Variants in ZYG11B observed in about 807,000 individuals in gnomAD.
The protein encoded by ZYG11B is protein zyg-11 homolog B.
A neutral mutation model predicts 82.4 loss-of-function variants in ZYG11B; 36 were observed. The observed-to-expected ratio is 0.44, with a 90% CI of 0.33 to 0.58. The LOEUF is 0.58. ZYG11B is among the 20% of genes least tolerant of loss of function. The pLI, the probability that ZYG11B is intolerant of heterozygous loss-of-function variation, is 0.02. For missense variants in ZYG11B, 552 were observed against 895.6 expected, an observed-to-expected ratio of 0.62 and a Z score of 4.90; for synonymous variants, 303 against 312.8, an observed-to-expected ratio of 0.97 and a Z score of 0.33.
At chr1:52,788,936 GA>G (rs1216840507) in intron 5 of ZYG11B, among the ~76,000 whole-genome samples, 3 of 152,140 alleles carry the variant, frequency 2.0e-5, no homozygotes, top group Non-Finnish European at 4.4e-5. Context: ...TTTGGGAGGA[GA>G]AAAATGGTGA....
chr1:52,825,204 T>C lies in ZYG11B; in HGVS notation c.*3575T>C, dbSNP rs1456816070. 2 of 152,216 alleles carry C rather than the reference T, an allele frequency of 1.3e-5. No individual in the cohort carries two copies. The highest frequency in any genetic ancestry group is 2.9e-5 in the Non-Finnish European group (2 of 68,034). 9.4% of individuals were successfully genotyped at this position (152,216 alleles called of 1,614,324 possible). ...GCATCAAGTAATTATTGCTGTGGTC[T>C]TTCTACTCCACAAAATAATTTTTTC... is the stretch of plus-strand genomic sequence containing the variant. On this transcript the variant is annotated 3_prime_UTR_variant, in exon 14 of 14. Transcript: ENST00000294353.
At chr1:52,777,884 G>GT (rs1364006543) in intron 3 of ZYG11B, among the ~76,000 whole-genome samples, 3 of 152,112 alleles carry the variant, frequency 2.0e-5, no homozygotes, top group South Asian at 2.1e-4. Context: ...TCTGAATGAC[G>GT]TTTTTTGGCA....
Position 52,813,517 on chromosome 1 carries a change from T to A in ZYG11B, c.1696-19T>A, listed in dbSNP as rs750503884. 6.4e-7 allele frequency: 1 copy of A among 1,565,460 alleles called. No individual in the cohort carries two copies. The highest frequency in any genetic ancestry group is 1.2e-5 in the South Asian group (1 of 85,404). Reference sequence around the variant, plus strand: ...TATACATATTACATTAATTTTTATATTTTCTTTTTTTTTTCCAGAACAATA... The same window carrying A: ...TATACATATTACATTAATTTTTATAATTTCTTTTTTTTTTCCAGAACAATA... On this transcript the variant is annotated intron_variant, in intron 10 of 13. Transcript: ENST00000294353.
intron 6 of ZYG11B, among the ~76,000 whole-genome samples, chr1:52,793,863 C>CG (rs1644979574): frequency 7.3e-6 from 1 of 136,952 alleles, no homozygotes; most frequent in African/African-American, 2.8e-5. Flanking sequence ...TCTTCCTTTT[C>CG]TTTCTTTCCT....
chr1:52,748,646 T>G (rs1270072838), intron 1 of ZYG11B, among the ~76,000 whole-genome samples: 1 of 152,186 alleles, frequency 6.6e-6, no homozygotes, highest in Non-Finnish European at 1.5e-5. Flanking sequence ...GCAGATCACC[T>G]GAGTTCAGGA....
chr1:52,770,893 A>G, intron 2 of ZYG11B, 127 bp from the exon 3 acceptor site: 2 of 1,080,118 alleles, frequency 1.9e-6, no homozygotes, highest in East Asian at 2.4e-5. Flanking sequence ...AATCTCACCT[A>G]AATGAATTGT....
chr1:52,777,695 A>G (rs1480862313), intron 3 of ZYG11B, among the ~76,000 whole-genome samples: 6 of 151,876 alleles, frequency 4.0e-5, no homozygotes, highest in Non-Finnish European at 7.4e-5. Context: ...TCCTGCTTCT[A>G]CCTCCCAAAG....
intron 3 of ZYG11B, among the ~76,000 whole-genome samples, chr1:52,775,703 AC>A (rs757671864): frequency 1.8e-4 from 27 of 148,708 alleles, no homozygotes; most frequent in Non-Finnish European, 3.7e-4. Flanking sequence ...AAACAAAAAA[AC>A]AACAACAAAA....
intron 1 of ZYG11B, among the ~76,000 whole-genome samples, chr1:52,746,334 A>G (rs1396498930): frequency 6.6e-6 from 1 of 152,140 alleles, no homozygotes; most frequent in African/African-American, 2.4e-5. Flanking sequence ...CCTGCAAACA[A>G]AAAGTCATTT....
intron 8 of ZYG11B, 53 bp from the exon 9 acceptor site, chr1:52,801,766 A>C (rs959735605): frequency 2.1e-6 from 3 of 1,446,562 alleles, no homozygotes; most frequent in Non-Finnish European, 2.8e-6. Flanking sequence ...ATCACCACAA[A>C]TTGTAATAAC....
intron 2 of ZYG11B, among the ~76,000 whole-genome samples, chr1:52,766,650 A>T (rs898908965): frequency 6.6e-6 from 1 of 152,002 alleles, no homozygotes; most frequent in Admixed American, 6.6e-5. Context: ...CACTGACGTC[A>T]CTCCAGCAGT....
chr1:52,785,744 G>A (rs893828794), intron 5 of ZYG11B, among the ~76,000 whole-genome samples: 3 of 151,998 alleles, frequency 2.0e-5, no homozygotes, highest in African/African-American at 4.8e-5. Context: ...CACCTCACCC[G>A]GCCCTTAACT....
chr1:52,793,896 C>CTTCA (rs1553261692), intron 6 of ZYG11B, among the ~76,000 whole-genome samples: 116 of 148,974 alleles, frequency 7.8e-4, no homozygotes, highest in African/African-American at 2.8e-3. Context: ...TCCTTCCTTC[C>CTTCA]TTCCTTTCTT....
At chr1:52,741,202 G>A (rs957121791) in intron 1 of ZYG11B, among the ~76,000 whole-genome samples, 3 of 148,754 alleles carry the variant, frequency 2.0e-5, no homozygotes. Flanking sequence ...AGAGGCTAAG[G>A]CAGGAGTATT....
At chr1:52,754,696 T>C (rs1293658699) in intron 1 of ZYG11B, among the ~76,000 whole-genome samples, 1 of 152,200 alleles carries the variant, frequency 6.6e-6, no homozygotes, top group Non-Finnish European at 1.5e-5. Context: ...TTCTTTATGG[T>C]GATCTTTGAA....
chr1:52,782,355 G>C (rs779406374), intron 4 of ZYG11B, among the ~76,000 whole-genome samples: 1 of 151,882 alleles, frequency 6.6e-6, no homozygotes, highest in African/African-American at 2.4e-5. Flanking sequence ...GCCTCCCAAA[G>C]TGTTGGGATT....
chr1:52,733,626 A>C (rs1030961048), intron 1 of ZYG11B, among the ~76,000 whole-genome samples: 66 of 152,126 alleles, frequency 4.3e-4, no homozygotes, highest in Non-Finnish European at 7.9e-4. Flanking sequence ...ACACCACTGC[A>C]CTCCAGGCTG....
intron 8 of ZYG11B, among the ~76,000 whole-genome samples, chr1:52,800,033 TG>T (rs1427231149): frequency 6.6e-6 from 1 of 151,990 alleles, no homozygotes; most frequent in Non-Finnish European, 1.5e-5. Flanking sequence ...CCCAGAACTT[TG>T]GGAGGCTGAG....
intron 1 of ZYG11B, among the ~76,000 whole-genome samples, chr1:52,727,235 A>G (rs1393256276): frequency 2.6e-5 from 4 of 151,120 alleles, no homozygotes; most frequent in Admixed American, 2.0e-4. Flanking sequence ...ATTTCCTTCT[A>G]CGGGCTTCAG....
Sources: allele counts gnomAD v4.1 joint callset (sites outside exome capture counted in the v4.1 genomes callset), GRCh38; gene constraint gnomAD v4.1.1; transcripts MANE v1.5; gene names NCBI Gene and HGNC (gene_info 2026-07-23, HGNC 2026-07-21).